The following ATXN1 variants were observed in gnomAD, a reference collection of about 807,000 sequenced individuals.
The protein encoded by ATXN1 is ataxin-1.
Under a neutral mutation model 56.4 loss-of-function variants are expected in ATXN1, and 8 were observed. The observed-to-expected ratio is 0.14, with a 90% CI of 0.08 to 0.26. The LOEUF is 0.26. ATXN1 is among the 10% of genes least tolerant of loss of function. The pLI is 1.00. For missense variants in ATXN1, 987 were observed against 1,106.5 expected (o/e 0.89, Z 1.53); for synonymous variants, 514 against 494.6 (o/e 1.04, Z -0.52).
chr6:16,464,796 A>G (rs990213294), intron 6 of ATXN1, among the ~76,000 whole-genome samples: 1 of 152,124 alleles, frequency 6.6e-6, no homozygotes, highest in East Asian at 1.9e-4. Context: ...GGAACAAATA[A>G]GCAGAGCACA....
chr6:16,395,911 TG>T (rs1331748048), intron 6 of ATXN1, among the ~76,000 whole-genome samples: 2 of 141,826 alleles, frequency 1.4e-5, no homozygotes, highest in Non-Finnish European at 3.0e-5. Context: ...GCTCTTCGGG[TG>T]GCTGAGGCAG....
chr6:16,761,177 T>C (rs1334642000), intron 1 of ATXN1, 121 bp downstream of exon 1: 7 of 363,470 alleles, frequency 1.9e-5, no homozygotes, highest in Non-Finnish European at 3.8e-5. Context: ...GTTTGTTTGC[T>C]GGTTGTTGCT....
intron 4 of ATXN1, among the ~76,000 whole-genome samples, chr6:16,555,468 C>G (rs1008000029): frequency 4.6e-5 from 7 of 152,214 alleles, no homozygotes; most frequent in African/African-American, 1.7e-4. Context: ...AACACACCAC[C>G]TAACAATGCT....
At chr6:16,458,377 G>C (rs1211972268) in intron 6 of ATXN1, among the ~76,000 whole-genome samples, 2 of 152,180 alleles carry the variant, frequency 1.3e-5, no homozygotes, top group Non-Finnish European at 2.9e-5. Flanking sequence ...TCCTCAAGCA[G>C]CTATGGGAGG....
At chr6:16,740,098 G>T (rs1175938164) in intron 2 of ATXN1, among the ~76,000 whole-genome samples, 1 of 152,110 alleles carries the variant, frequency 6.6e-6, no homozygotes, top group East Asian at 1.9e-4. Context: ...ATAAAATCTG[G>T]CTTCTGTCAA....
At position 16,333,429 on chromosome 6, in the gene ATXN1, G is replaced by T. The variant is rs185530976; in HGVS notation, c.-160-4959C>A. ...GATGCTTCTGTGCTAGGGATGTGGG[G>T]AATATATGCCCACTGACTGCAAGTC... On this transcript the variant is annotated intron_variant, in intron 6 of 7. Transcript: ENST00000436367. Among the ~76,000 whole-genome samples the T allele has an allele frequency of 2.6e-4, 39 of 152,282 alleles. No homozygotes were observed. The East Asian group carries it at 7.1e-3, about 28-fold the overall frequency.
At chr6:16,469,379 G>T (rs547773243) in intron 6 of ATXN1, among the ~76,000 whole-genome samples, 1 of 152,222 alleles carries the variant, frequency 6.6e-6, no homozygotes, top group South Asian at 2.1e-4. Context: ...AAGCTTCTAA[G>T]ATAGGATCTA....
chr6:16,369,102 C>T (rs1466519378), intron 6 of ATXN1, among the ~76,000 whole-genome samples: 1 of 152,172 alleles, frequency 6.6e-6, no homozygotes, highest in Non-Finnish European at 1.5e-5. Flanking sequence ...GTGCCCCCTC[C>T]CAATCTTCAC....
At chr6:16,564,978 C>T (rs1266150078) in intron 4 of ATXN1, among the ~76,000 whole-genome samples, 1 of 152,102 alleles carries the variant, frequency 6.6e-6, no homozygotes, top group Non-Finnish European at 1.5e-5. Flanking sequence ...TCAAGCAGTT[C>T]CTTGACTTAT....
At chr6:16,439,441 G>C (rs1759468657) in intron 6 of ATXN1, among the ~76,000 whole-genome samples, 1 of 140,820 alleles carries the variant, frequency 7.1e-6, no homozygotes, top group Admixed American at 7.7e-5. Context: ...AGTGACTCAG[G>C]GGTTTTTTTT....
At chr6:16,667,706 A>G (rs766083211) in intron 2 of ATXN1, among the ~76,000 whole-genome samples, 33 of 152,220 alleles carry the variant, frequency 2.2e-4, no homozygotes, top group Admixed American at 1.4e-3. Context: ...GGAGCTATGT[A>G]GTGTTATCCT....
chr6:16,567,396 C>T (rs141657132), intron 4 of ATXN1, among the ~76,000 whole-genome samples: 192 of 152,316 alleles, frequency 1.3e-3, no homozygotes, highest in African/African-American at 4.5e-3. Flanking sequence ...ATTTTAACTA[C>T]ACTGGCATCA....
chr6:16,446,203 A>T (rs1759632105), intron 6 of ATXN1, among the ~76,000 whole-genome samples: 2 of 151,688 alleles, frequency 1.3e-5, no homozygotes, highest in African/African-American at 4.8e-5. Context: ...CTGACTTTTT[A>T]ATGATTGCCA....
intron 2 of ATXN1, among the ~76,000 whole-genome samples, chr6:16,734,586 C>T (rs1760069822): frequency 6.6e-6 from 1 of 152,204 alleles, no homozygotes; most frequent in Non-Finnish European, 1.5e-5. Context: ...CAGCTCACTG[C>T]AGCCTCGACC....
At chr6:16,624,169 G>A (rs891543594) in intron 3 of ATXN1, among the ~76,000 whole-genome samples, 1 of 152,042 alleles carries the variant, frequency 6.6e-6, no homozygotes, top group Non-Finnish European at 1.5e-5. Context: ...TGGCCAACAT[G>A]GTGAAACCCT....
chr6:16,327,954 C>A lies in ATXN1; in HGVS notation c.357G>T (p.Gln119His). 6.2e-7 allele frequency: 1 copy of A among 1,612,970 alleles called. No homozygotes were observed. The highest frequency in any genetic ancestry group is 8.5e-7 in the Non-Finnish European group (1 of 1,179,884). The change falls in exon 7 of 8, where the codon CAG (glutamine) becomes CAT (histidine). Residue 119 changes from glutamine to histidine, a missense_variant. Around this residue, in one of 3 missense-constraint regions of ATXN1, gnomAD observed 723 missense variants for 791.7 expected, o/e 0.91. Transcript: ENST00000436367. Reference protein sequence around the residue: ...PQPGTPVSPVQYAHLPHTFQF... With the variant: ...PQPGTPVSPVHYAHLPHTFQF... ...GGAAGGTGTGCGGCAGGTGAGCGTA[C>A]TGCACGGGGGACACCGGGGTCCCTG...
chr6:16,716,276 A>G (rs188072220), intron 2 of ATXN1, among the ~76,000 whole-genome samples: 13 of 152,338 alleles, frequency 8.5e-5, no homozygotes, highest in Admixed American at 6.5e-4. Context: ...AGATTAATAA[A>G]TGAGTATCAA....
intron 6 of ATXN1, among the ~76,000 whole-genome samples, chr6:16,484,204 G>A (rs549898013): frequency 8.5e-5 from 13 of 152,214 alleles, no homozygotes; most frequent in Admixed American, 7.2e-4. Context: ...AAGCAGAGGC[G>A]GGAGGATCAC....
intron 2 of ATXN1, among the ~76,000 whole-genome samples, chr6:16,682,244 T>G (rs907312700): frequency 1.4e-5 from 2 of 145,726 alleles, no homozygotes; most frequent in African/African-American, 5.1e-5. Context: ...TCACCCAGGC[T>G]GGAGTGCAGT....
Sources: gnomAD v4.1 joint callset for allele counts (sites outside exome capture counted in the v4.1 genomes callset) on GRCh38, gnomAD v4.1.1 for gene constraint, gnomAD v4.1.1 regional missense constraint, MANE v1.5 for transcripts, NCBI Gene and HGNC (gene_info 2026-07-23, HGNC 2026-07-21) for gene names.